APOD: variants seen among roughly 807,000 people sequenced by gnomAD.
APOD encodes apolipoprotein D.
In APOD, 22 loss-of-function variants were observed where a neutral mutation model predicts 20.4. The ratio of observed to expected loss-of-function variants is 1.08; its 90% CI spans 0.77 to 1.54. APOD has a LOEUF of 1.54. Among genes scored for constraint, APOD ranks in the 40% most tolerant of loss-of-function variants. The pLI is 0.00. For missense variants in APOD, 223 were observed against 229.6 expected (o/e 0.97, Z 0.19); for synonymous variants, 97 against 92.4 (o/e 1.05, Z -0.29).
chr3:195,583,786 T>C (rs1176546218), intron 1 of APOD, 92 bp downstream of exon 1: 1 of 152,340 alleles, frequency 6.6e-6, no homozygotes, highest in South Asian at 2.1e-4. Context: ...GTGGTAGTTA[T>C]ATGTAGCTGA....
chr3:195,575,323 T>C (rs756743211), intron 2 of APOD, among the ~76,000 whole-genome samples: 2 of 152,236 alleles, frequency 1.3e-5, no homozygotes, highest in African/African-American at 2.4e-5. Flanking sequence ...TCAAGGCTAA[T>C]CTGGCCATCT....
At chr3:195,574,041 T>G in intron 2 of APOD, 70 bp from the exon 3 acceptor site, 1 of 1,586,696 alleles carries the variant, frequency 6.3e-7, no homozygotes, top group East Asian at 2.3e-5. Context: ...CCCATTGTCG[T>G]GCAGACGCAG....
chr3:195,581,481 T>C (rs1460020082), intron 1 of APOD, among the ~76,000 whole-genome samples: 1 of 152,164 alleles, frequency 6.6e-6, no homozygotes, highest in African/African-American at 2.4e-5. Context: ...GGCCACACAC[T>C]ATGCACATTC....
chr3:195,580,060 A>G (rs981729638), intron 1 of APOD, among the ~76,000 whole-genome samples: 1 of 152,062 alleles, frequency 6.6e-6, no homozygotes, highest in Non-Finnish European at 1.5e-5. Context: ...GGAAACCTTA[A>G]CAGGGAGCGG....
intron 3 of APOD, 65 bp downstream of exon 3, chr3:195,573,785 C>T (rs1024750473): frequency 1.3e-5 from 20 of 1,576,768 alleles, no homozygotes; most frequent in Admixed American, 5.3e-5. Context: ...CCCAGGCTGC[C>T]GGACACCCAG....
intron 3 of APOD, among the ~76,000 whole-genome samples, chr3:195,571,833 G>A (rs142802147): frequency 2.9e-3 from 434 of 151,594 alleles, no homozygotes; most frequent in Non-Finnish European, 3.9e-3. Context: ...AGGCTGGAGT[G>A]CAGTGGTGCG....
chr3:195,568,744 T>G lies in APOD; in HGVS notation c.*156A>C. 1.6e-6 allele frequency: 1 copy of G among 628,258 alleles called. No individual in the cohort carries two copies. 38.9% of individuals were successfully genotyped at this position (628,258 alleles called of 1,614,324 possible). On this transcript the variant is annotated 3_prime_UTR_variant, in exon 5 of 5. Transcript: ENST00000343267. ...GAGCACAGCAGGTCAGCAACAAGTTTATTTTGCAGCTAGCAAGGTAACAGG... is the reference window on the plus strand; with the variant it reads ...GAGCACAGCAGGTCAGCAACAAGTTGATTTTGCAGCTAGCAAGGTAACAGG...
At chr3:195,571,760 C>A (rs1282935649) in intron 3 of APOD, among the ~76,000 whole-genome samples, 3 of 152,130 alleles carry the variant, frequency 2.0e-5, no homozygotes, top group Non-Finnish European at 4.4e-5. Flanking sequence ...AACAAAACAA[C>A]CCAACACACA....
chr3:195,569,423 T>C (rs556457608), intron 4 of APOD, among the ~76,000 whole-genome samples: 38 of 152,092 alleles, frequency 2.5e-4, no homozygotes, highest in Admixed American at 4.6e-4. Flanking sequence ...TCATCACCCA[T>C]CTGCACATTT....
intron 4 of APOD, among the ~76,000 whole-genome samples, chr3:195,570,183 G>A (rs989775579): frequency 2.0e-5 from 3 of 151,982 alleles, no homozygotes; most frequent in African/African-American, 4.8e-5. Context: ...TCCAATCCCC[G>A]TCCCTGATCC....
In APOD at chr3:195,573,987, G is replaced by A. The variant is rs1236855332; in HGVS notation, c.124-16C>T. 1 of 1,613,262 alleles carries A rather than the reference G, an allele frequency of 6.2e-7. No individual in the cohort carries two copies. Among genetic ancestry groups the A allele is most frequent in the Non-Finnish European group, 8.5e-7 (1 of 1,179,578 alleles). Reference sequence around the variant, plus strand: ...TTCCGAGATACTGCAGAGACAACAAGCAGAGCAAAACCCTGTGGTTCTCTG... The same window carrying A: ...TTCCGAGATACTGCAGAGACAACAAACAGAGCAAAACCCTGTGGTTCTCTG... On this transcript the variant is annotated splice_polypyrimidine_tract_variant and intron_variant, in intron 2 of 4. Coordinates refer to ENST00000343267, the MANE Select transcript of APOD (RefSeq NM_001647.4).
At chr3:195,582,262 A>G (rs560857398) in intron 1 of APOD, among the ~76,000 whole-genome samples, 2 of 152,276 alleles carry the variant, frequency 1.3e-5, no homozygotes, top group African/African-American at 4.8e-5. Context: ...AGCATCCATT[A>G]TAGTTTTCAA....
At chr3:195,577,265 A>C in intron 2 of APOD, 2 of 280,732 alleles carry the variant, frequency 7.1e-6, no homozygotes, top group African/African-American at 4.7e-5. Flanking sequence ...TTTGGGAATA[A>C]ATTTAACCAA....
intron 4 of APOD, chr3:195,570,979 C>A (rs535960178): frequency 7.2e-6 from 3 of 417,654 alleles, no homozygotes; most frequent in South Asian, 6.1e-5. Flanking sequence ...GCAGCCCACA[C>A]CCGGTGTGCA....
chr3:195,581,743 C>T (rs772606701), intron 1 of APOD, among the ~76,000 whole-genome samples: 13 of 152,254 alleles, frequency 8.5e-5, no homozygotes, highest in Non-Finnish European at 1.8e-4. Context: ...GTCAGTTCTA[C>T]ATCTTACTCT....
Position 195,573,894 on chromosome 3 carries a change from T to G in APOD, c.201A>C (p.Ser67=), listed in dbSNP as rs371814690. Residue 67 remains serine, a synonymous_variant, in exon 3 of 5, where the codon TCA becomes TCC. Coordinates refer to ENST00000343267, the MANE Select transcript of APOD (RefSeq NM_001647.4). The part of the protein sequence containing the change: ...ENGRCIQANY[S]LMENGKIKVL... ...CTTTGATCTTTCCGTTTTCCATTAG[T>G]GAGTAGTTGGCCTGGATGCAGCGTC... 1 of 1,614,192 alleles carries G rather than the reference T, an allele frequency of 6.2e-7. No homozygotes were observed. The highest frequency in any genetic ancestry group is 1.3e-5 in the African/African-American group (1 of 75,048).
chr3:195,579,589 T>G, intron 1 of APOD, 94 bp from the exon 2 acceptor site: 2 of 1,375,952 alleles, frequency 1.5e-6, no homozygotes, highest in Non-Finnish European at 2.0e-6. Context: ...GTCCCCTCTG[T>G]GGGCGGTCCC....
Position 195,579,884 on chromosome 3 carries a change from A to C in APOD, c.-34-389T>G, listed in dbSNP as rs139204983. On this transcript the variant is annotated intron_variant, in intron 1 of 4. Coordinates refer to ENST00000343267, the MANE Select transcript of APOD (RefSeq NM_001647.4). ...AAACAGCGTGGAGAGGGCTATGTAAAGTGGGGGATTAAAGCCTCCAAGTGA... is the reference window on the plus strand; with the variant it reads ...AAACAGCGTGGAGAGGGCTATGTAACGTGGGGGATTAAAGCCTCCAAGTGA... Among the ~76,000 whole-genome samples, 734 of 152,302 alleles carry C rather than the reference A, an allele frequency of 4.8e-3. 9 individuals carry two copies. The highest frequency in any genetic ancestry group is 0.016 in the African/African-American group (682 of 41,556).
chr3:195,568,960 A>G lies in APOD; in HGVS notation c.510T>C (p.Asn170=). The change falls in exon 5 of 5, where the codon AAT becomes AAC. Residue 170 remains asparagine, a synonymous_variant. Coordinates refer to ENST00000343267, the MANE Select transcript of APOD (RefSeq NM_001647.4). The stretch of plus-strand genomic sequence containing the variant: ...CCGTCATTTTCTTGACATCAATGTT[A>G]TTAGAAGTCAGGATATTTTTTAGAG... ...VDSLKNILTS[N]NIDVKKMTVT... is the part of the protein sequence containing the mutation. 1 of 1,614,144 alleles carries G rather than the reference A, an allele frequency of 6.2e-7. No homozygotes were observed. Among genetic ancestry groups the G allele is most frequent in the Non-Finnish European group, 8.5e-7 (1 of 1,180,016 alleles).
Sources: gnomAD v4.1 joint callset for allele counts (sites outside exome capture counted in the v4.1 genomes callset) on GRCh38, gnomAD v4.1.1 for gene constraint, MANE v1.5 for transcripts, NCBI Gene and HGNC (gene_info 2026-07-23, HGNC 2026-07-21) for gene names.